Variants in MSI1 observed in about 807,000 individuals in gnomAD.
MSI1 encodes the protein RNA-binding protein Musashi homolog 1.
Under a neutral mutation model 54.4 loss-of-function variants are expected in MSI1, and 15 were observed. The observed-to-expected ratio is 0.28, with a 90% CI of 0.18 to 0.42. MSI1 has a LOEUF of 0.42. Among genes scored for constraint, MSI1 ranks in the 20% least tolerant of loss-of-function variants. The pLI is 1.00. For synonymous variants in MSI1, 200 were observed against 196.5 expected, an observed-to-expected ratio of 1.02 and a Z score of -0.15; for missense variants, 304 against 506.0, an observed-to-expected ratio of 0.60 and a Z score of 3.83.
At chr12:120,365,927 C>G (rs1171204780) in intron 4 of MSI1, among the ~76,000 whole-genome samples, 1 of 152,190 alleles carries the variant, frequency 6.6e-6, no homozygotes, top group African/African-American at 2.4e-5. Flanking sequence ...GTGAAAGCGG[C>G]CCTTTGTGAA....
chr12:120,366,529 C>G (rs901682443), intron 4 of MSI1, among the ~76,000 whole-genome samples: 1 of 152,132 alleles, frequency 6.6e-6, no homozygotes. Context: ...ACACAGACCC[C>G]GATGGGGAGA....
intron 13 of MSI1, 134 bp from the exon 14 acceptor site, chr12:120,345,766 G>A: frequency 9.5e-7 from 1 of 1,048,240 alleles, no homozygotes; most frequent in Non-Finnish European, 1.5e-6. Context: ...CCTACTGCAG[G>A]TCTGCCTACC....
chr12:120,357,072 C>A, intron 8 of MSI1, 53 bp from the exon 9 acceptor site: 3 of 1,468,622 alleles, frequency 2.0e-6, no homozygotes, highest in Non-Finnish European at 2.9e-6. Flanking sequence ...GTCATTAGCC[C>A]TCTTGTTCCC....
chr12:120,345,101 CA>C (rs1874001460), intron 14 of MSI1, among the ~76,000 whole-genome samples: 1 of 152,074 alleles, frequency 6.6e-6, no homozygotes, highest in Non-Finnish European at 1.5e-5. Context: ...CCTGTAATCC[CA>C]GCACTTTGGG....
intron 9 of MSI1, among the ~76,000 whole-genome samples, chr12:120,354,639 C>T (rs1874922708): frequency 6.6e-6 from 1 of 152,194 alleles, no homozygotes; most frequent in Non-Finnish European, 1.5e-5. Flanking sequence ...CCATGTTGGT[C>T]AGGCTGGTCT....
chr12:120,339,888 C>T (rs1873609890), downstream of MSI1, among the ~76,000 whole-genome samples: 3 of 151,260 alleles, frequency 2.0e-5, no homozygotes, highest in Non-Finnish European at 4.4e-5. Context: ...AAGAAATCCT[C>T]CCATCTCAGC....
chr12:120,363,617 C>G, intron 5 of MSI1, among the ~76,000 whole-genome samples: 1 of 152,222 alleles, frequency 6.6e-6, no homozygotes, highest in East Asian at 1.9e-4. Flanking sequence ...CTAATTACCC[C>G]AGGAGCGCAT....
intron 11 of MSI1, among the ~76,000 whole-genome samples, chr12:120,350,591 G>C (rs1874512422): frequency 6.6e-6 from 1 of 152,154 alleles, no homozygotes; most frequent in Non-Finnish European, 1.5e-5. Context: ...GGAGAGTCTG[G>C]GGGTGGGGTG....
chr12:120,352,134 C>T (rs547402748), intron 10 of MSI1, among the ~76,000 whole-genome samples: 1 of 152,106 alleles, frequency 6.6e-6, no homozygotes, highest in East Asian at 1.9e-4. Flanking sequence ...CCTCCCACCT[C>T]AGCCTCCTCA....
intron 12 of MSI1, among the ~76,000 whole-genome samples, chr12:120,346,776 G>T (rs1310746538): frequency 2.0e-5 from 3 of 152,102 alleles, no homozygotes; most frequent in Non-Finnish European, 4.4e-5. Flanking sequence ...AAGTTAAGAG[G>T]CCCTTCCTCT....
At position 120,362,158 on chromosome 12, in the gene MSI1, T is replaced by TC. The variant is rs369215040; in HGVS notation, c.402+884dup. On this transcript the variant is annotated intron_variant, in intron 6 of 14. Transcript: ENST00000257552. Reference sequence around the variant, plus strand: ...CAGCCTCAGCTGGCCAGGGGACACCTCCCCCCCCCACACAATCCCAGGCCC... The same window carrying TC: ...CAGCCTCAGCTGGCCAGGGGACACCTCCCCCCCCCCACACAATCCCAGGCCC... 2.4e-3 allele frequency among the ~76,000 whole-genome samples: 334 copies of TC among 139,802 alleles called. 2 individuals are homozygous for TC. The highest frequency in any genetic ancestry group is 6.2e-3 in the East Asian group (29 of 4,710). The allele number at this position is 139,802 out of a possible 152,430, so 91.7% of individuals were successfully genotyped here. A position where few individuals can be genotyped will look rare whatever the true frequency, so the allele number is the denominator to read the frequency against.
chr12:120,359,887 A>G (rs2136965408), intron 6 of MSI1, among the ~76,000 whole-genome samples: 1 of 152,214 alleles, frequency 6.6e-6, no homozygotes, highest in African/African-American at 2.4e-5. Flanking sequence ...ATGACCAGAC[A>G]TCCAAAGGAT....
intron 11 of MSI1, among the ~76,000 whole-genome samples, chr12:120,350,775 G>C (rs1565885787): frequency 6.6e-6 from 1 of 152,208 alleles, no homozygotes. Flanking sequence ...CCAAAGGGCT[G>C]GATTCGGCCC....
At chr12:120,364,522 G>A (rs989199841) in intron 5 of MSI1, among the ~76,000 whole-genome samples, 192 bp downstream of exon 5, 2 of 151,988 alleles carry the variant, frequency 1.3e-5, no homozygotes, top group Admixed American at 6.6e-5. Context: ...CAGAGCTCAC[G>A]TGGAAAGACA....
chr12:120,356,229 G>A (rs1038980601), intron 9 of MSI1, among the ~76,000 whole-genome samples: 1 of 152,122 alleles, frequency 6.6e-6, no homozygotes, highest in Non-Finnish European at 1.5e-5. Context: ...CTCAGAAGTT[G>A]CTCAATAAAT....
chr12:120,345,779 G>T, intron 13 of MSI1, 147 bp from the exon 14 acceptor site: 1 of 937,096 alleles, frequency 1.1e-6, no homozygotes, highest in Non-Finnish European at 1.7e-6. Flanking sequence ...TGCCTACCCG[G>T]ATCACCCCCC....
rs561684369 is a variant in MSI1, at chr12:120,363,538, C to A, written c.310-403G>T. Among the ~76,000 whole-genome samples the A allele has an allele frequency of 2.0e-5, 3 of 152,274 alleles. No homozygotes were observed. In the East Asian group the frequency reaches 5.8e-4, roughly 29 times the overall value. On this transcript the variant is annotated intron_variant, in intron 5 of 14. Coordinates refer to ENST00000257552, the MANE Select transcript of MSI1 (RefSeq NM_002442.4). ...AACTCAGTGCCGACATTTTCCTCAT[C>A]AGCCTCCTCCCAACACAACCTCTGG...
intron 8 of MSI1, 51 bp from the exon 9 acceptor site, chr12:120,357,070 C>A (rs1237036593): frequency 6.8e-7 from 1 of 1,464,624 alleles, no homozygotes; most frequent in Non-Finnish European, 9.6e-7. Context: ...GAGTCATTAG[C>A]CCTCTTGTTC....
At chr12:120,355,144 G>T (rs1197995399) in intron 9 of MSI1, among the ~76,000 whole-genome samples, 1 of 151,130 alleles carries the variant, frequency 6.6e-6, no homozygotes, top group Admixed American at 6.6e-5. Context: ...GGTGGCTCAC[G>T]CCTGTAATCC....
Sources: allele counts gnomAD v4.1 joint callset (sites outside exome capture counted in the v4.1 genomes callset), GRCh38; gene constraint gnomAD v4.1.1; transcripts MANE v1.5; gene names NCBI Gene and HGNC (gene_info 2026-07-23, HGNC 2026-07-21).